TLK2: variants seen among roughly 807,000 people sequenced by gnomAD.
TLK2 encodes the protein tousled like kinase 2, also known as serine/threonine-protein kinase tousled-like 2.
In TLK2, 6 loss-of-function variants were observed where a neutral mutation model predicts 117.3. The ratio of observed to expected loss-of-function variants is 0.05; its 90% CI spans 0.03 to 0.10. The LOEUF is 0.10. Among genes scored for constraint, TLK2 ranks in the 10% least tolerant of loss-of-function variants. The pLI is 1.00. For missense variants in TLK2, 299 were observed against 901.2 expected (o/e 0.33, Z 8.56); for synonymous variants, 257 against 316.7 (o/e 0.81, Z 2.00).
chr17:62,541,338 C>T (rs1418471462), intron 7 of TLK2, among the ~76,000 whole-genome samples: 3 of 152,116 alleles, frequency 2.0e-5, no homozygotes, highest in East Asian at 1.9e-4. Context: ...ATGCCCAGAA[C>T]GGGACCTGCT....
chr17:62,535,624 C>T (rs551418782), intron 6 of TLK2, among the ~76,000 whole-genome samples: 31 of 151,962 alleles, frequency 2.0e-4, no homozygotes, highest in African/African-American at 7.2e-4. Context: ...AAAAAATTAG[C>T]CAGGCGTGGT....
At chr17:62,530,857 T>A (rs988814155) in intron 6 of TLK2, among the ~76,000 whole-genome samples, 1 of 152,190 alleles carries the variant, frequency 6.6e-6, no homozygotes, top group Non-Finnish European at 1.5e-5. Context: ...TCCTGAAAGG[T>A]ATTTTTGGCT....
chr17:62,516,793 G>C, intron 2 of TLK2: 1 of 1,405,402 alleles, frequency 7.1e-7, no homozygotes, highest in Non-Finnish European at 9.9e-7. Context: ...GTCCGGGGCC[G>C]GGGCTGGAAA....
In TLK2 at chr17:62,574,242, T is replaced by C. The variant is rs2080563381; in HGVS notation, c.1121+875T>C. On this transcript the variant is annotated intron_variant, in intron 12 of 21. Transcript: ENST00000346027. ...TCTTCTTTCATTCTAGTGAGAAAGA[T>C]GGCTTAACACCAATCCTCACCCCAT... 5 of 1,460,176 alleles carry C rather than the reference T, an allele frequency of 3.4e-6. No homozygotes were observed. In the East Asian group the frequency reaches 1.3e-4, roughly 37 times the overall value. The allele number at this position is 1,460,176 out of a possible 1,614,324, so 90.5% of individuals were successfully genotyped here. A position where few individuals can be genotyped will look rare whatever the true frequency, so the allele number is the denominator to read the frequency against.
chr17:62,584,353 G>A (rs1419767700), intron 15 of TLK2, among the ~76,000 whole-genome samples: 1 of 151,960 alleles, frequency 6.6e-6, no homozygotes, highest in Non-Finnish European at 1.5e-5. Flanking sequence ...CCGACCTCAT[G>A]ATCCACCTCC....
At chr17:62,482,632 G>C (rs1360198689) in intron 2 of TLK2, among the ~76,000 whole-genome samples, 1 of 151,728 alleles carries the variant, frequency 6.6e-6, no homozygotes, top group African/African-American at 2.4e-5. Flanking sequence ...TTTATTTTTA[G>C]TAGAGACAGG....
In TLK2 at chr17:62,612,435, T is replaced by C. The variant is rs1234159539; in HGVS notation, c.2123T>C (p.Ile708Thr). Residue 708 changes from isoleucine (I) to threonine (T), a missense_variant, in exon 22 of 22, where the codon ATT becomes ACT. Coordinates refer to ENST00000346027, the MANE Select transcript of TLK2 (RefSeq NM_006852.6). ...TTGGCCTACCGAAAGGAGGACCGCA[T>C]TGATGTCCAGCAGCTGGCCTGTGAT... ...RCLAYRKEDR[I>T]DVQQLACDPY... 1 of 1,614,098 alleles carries C rather than the reference T, an allele frequency of 6.2e-7. No individual in the cohort carries two copies. The highest frequency in any genetic ancestry group is 8.5e-7 in the Non-Finnish European group (1 of 1,180,036).
chr17:62,600,913 C>A, intron 18 of TLK2, 93 bp downstream of exon 18: 1 of 1,268,160 alleles, frequency 7.9e-7, no homozygotes, highest in South Asian at 1.6e-5. Flanking sequence ...TTCACAGCAG[C>A]CAAGAAAGGC....
chr17:62,574,407 T>C, intron 12 of TLK2: 1 of 1,310,594 alleles, frequency 7.6e-7, no homozygotes, highest in South Asian at 1.3e-5. Context: ...CACAGTTTAC[T>C]TAGGTGAGAT....
Position 62,580,270 on chromosome 17 carries a change from T to C in TLK2, c.1368+78T>C, listed in dbSNP as rs1180202380. 4 of 1,066,132 alleles carry C rather than the reference T, an allele frequency of 3.8e-6. No homozygotes were observed. The East Asian group carries it at 1.0e-4, about 27-fold the overall frequency. 66.0% of individuals were successfully genotyped at this position (1,066,132 alleles called of 1,614,324 possible). On this transcript the variant is annotated intron_variant, in intron 15 of 21. Coordinates refer to ENST00000346027, the MANE Select transcript of TLK2 (RefSeq NM_006852.6). ...CCAACTTGGAGAACATTAAGAATAC[T>C]GATAATTGTAGGTTGATATCCATTG...
chr17:62,474,025 A>T (rs900699490), upstream of TLK2, among the ~76,000 whole-genome samples: 1 of 152,162 alleles, frequency 6.6e-6, no homozygotes, highest in African/African-American at 2.4e-5. Context: ...CTTGCCGAGT[A>T]GCTGGGACCA....
intron 6 of TLK2, among the ~76,000 whole-genome samples, chr17:62,535,471 A>C (rs2077046869): frequency 6.6e-6 from 1 of 152,148 alleles, no homozygotes; most frequent in Admixed American, 6.5e-5. Flanking sequence ...CTTCACCTAT[A>C]AAGTCACGTG....
chr17:62,477,706 C>G (rs1271115895), upstream of TLK2: 1 of 152,220 alleles, frequency 6.6e-6, no homozygotes, highest in Non-Finnish European at 1.5e-5. Context: ...AGGTGGGTGG[C>G]TGCACTGGAG....
chr17:62,566,855 GCTA>G (rs1217619306), intron 11 of TLK2, among the ~76,000 whole-genome samples: 1 of 152,202 alleles, frequency 6.6e-6, no homozygotes, highest in Non-Finnish European at 1.5e-5. Flanking sequence ...CCTGTCAATG[GCTA>G]CTATTTAGAT....
intron 15 of TLK2, among the ~76,000 whole-genome samples, chr17:62,584,107 G>GT (rs572000997): frequency 0.017 from 1,322 of 78,500 alleles, 21 homozygotes; most frequent in Middle Eastern, 0.02. Context: ...TTCTTTTGTG[G>GT]TTTTTTTTTT....
chr17:62,541,186 C>G (rs758301864), intron 7 of TLK2, among the ~76,000 whole-genome samples: 2 of 152,022 alleles, frequency 1.3e-5, no homozygotes, highest in Non-Finnish European at 2.9e-5. Context: ...CCACCTGTTA[C>G]TGAGCTCCTA....
chr17:62,520,149 T>C (rs1464716498), intron 2 of TLK2, among the ~76,000 whole-genome samples: 2 of 152,182 alleles, frequency 1.3e-5, no homozygotes, highest in Non-Finnish European at 2.9e-5. Context: ...CCTGGGGTCC[T>C]CTTGGCTTGT....
rs59523807 is a variant in TLK2 at position 62,576,966 on chromosome 17, C to CTTTTTTTTTTTTTTTTTTTTTTTTT, written c.1188+205_1188+206insTTTTTTTTTTTTTTTTTTTTTTTTT. On this transcript the variant is annotated intron_variant, in intron 13 of 21. Transcript: ENST00000346027. ...ATATTTTTCCATTTTCTTTCTTCTT[C>CTTTTTTTTTTTTTTTTTTTTTTTTT]TTTTTTTTTTTTTTGAGTTGGAGTC... 2.5e-4 allele frequency among the ~76,000 whole-genome samples: 29 copies of CTTTTTTTTTTTTTTTTTTTTTTTTT among 115,930 alleles called. 2 individuals carry two copies. The highest frequency in any genetic ancestry group is 9.5e-4 in the South Asian group (3 of 3,154). The allele number at this position is 115,930 out of a possible 152,430, so 76.1% of individuals were successfully genotyped here.
At chr17:62,531,370 A>G (rs527359623) in intron 6 of TLK2, among the ~76,000 whole-genome samples, 6 of 152,120 alleles carry the variant, frequency 3.9e-5, no homozygotes, top group South Asian at 2.1e-4. Context: ...TATTAGCTCT[A>G]TTGAATTGGT....
Sources: allele counts gnomAD v4.1 joint callset (sites outside exome capture counted in the v4.1 genomes callset), GRCh38; gene constraint gnomAD v4.1.1; transcripts MANE v1.5; gene names NCBI Gene and HGNC (gene_info 2026-07-23, HGNC 2026-07-21).